The following SDK1 variants were observed in gnomAD, a reference collection of about 807,000 sequenced individuals.
The protein encoded by SDK1 is sidekick cell adhesion molecule 1.
Under a neutral mutation model 245.5 loss-of-function variants are expected in SDK1, and 157 were observed. The ratio of observed to expected loss-of-function variants is 0.64; its 90% CI spans 0.56 to 0.73. The LOEUF is 0.73. SDK1 is among the 30% of genes least tolerant of loss of function. The pLI, the probability that SDK1 is intolerant of heterozygous loss-of-function variation, is 0.00. For missense variants in SDK1, 3,583 were observed against 3,002.3 expected (o/e 1.19, Z -4.52); for synonymous variants, 1,647 against 1,278.5 (o/e 1.29, Z -6.15).
chr7:3,435,906 A>G (rs1265562312), intron 1 of SDK1, among the ~76,000 whole-genome samples: 1 of 152,236 alleles, frequency 6.6e-6, no homozygotes, highest in Non-Finnish European at 1.5e-5. Flanking sequence ...ATTGTGTTAA[A>G]GGAAGCAACA....
intron 1 of SDK1, among the ~76,000 whole-genome samples, chr7:3,395,992 T>G (rs1207237023): frequency 1.3e-5 from 2 of 151,952 alleles, no homozygotes; most frequent in African/African-American, 4.8e-5. Context: ...TCATTCTGTT[T>G]TCCCTTGATA....
intron 1 of SDK1, among the ~76,000 whole-genome samples, chr7:3,528,560 T>C (rs1783230793): frequency 6.6e-6 from 1 of 152,122 alleles, no homozygotes; most frequent in Non-Finnish European, 1.5e-5. Context: ...CTCTCCTTGC[T>C]GTCTGGAGAA....
At chr7:4,194,076 C>T (rs573464685) in intron 35 of SDK1, among the ~76,000 whole-genome samples, 6 of 152,034 alleles carry the variant, frequency 3.9e-5, no homozygotes, top group East Asian at 3.9e-4. Context: ...CAGCCAACTC[C>T]GGAAACCGCA....
chr7:3,725,554 C>G lies in SDK1; in HGVS notation c.713+83449C>G, dbSNP rs1036089374. On this transcript the variant is annotated intron_variant, in intron 4 of 44. Transcript: ENST00000404826. ...CAATACAGTTACTATTATTCCAGCACCTTTAGCTCACTCTTGCCACTCTTT... is the reference window on the plus strand; with the variant it reads ...CAATACAGTTACTATTATTCCAGCAGCTTTAGCTCACTCTTGCCACTCTTT... Among the ~76,000 whole-genome samples the G allele has an allele frequency of 2.0e-5, 3 of 152,284 alleles. No homozygotes were observed. The East Asian group carries it at 5.8e-4, about 29-fold the overall frequency.
At chr7:3,573,920 G>A (rs918689490) in intron 1 of SDK1, among the ~76,000 whole-genome samples, 12 of 151,954 alleles carry the variant, frequency 7.9e-5, no homozygotes, top group Non-Finnish European at 1.8e-4. Flanking sequence ...TCCTTTTTAT[G>A]ACAGGTTCAT....
intron 5 of SDK1, among the ~76,000 whole-genome samples, chr7:3,913,415 G>A (rs13437643): frequency 6.6e-6 from 1 of 150,558 alleles, no homozygotes; most frequent in South Asian, 2.1e-4. Context: ...TGCCTCAGCC[G>A]CTCGAGTAGC....
chr7:3,956,658 C>T (rs1781287728), intron 7 of SDK1, among the ~76,000 whole-genome samples: 1 of 152,216 alleles, frequency 6.6e-6, no homozygotes, highest in East Asian at 1.9e-4. Context: ...GCAGGCTGCC[C>T]CCCAGACCTT....
rs538690613 is a variant in SDK1 at position 4,119,102 on chromosome 7, TAA to T, written c.3823+4836_3823+4837del. Among the ~76,000 whole-genome samples the T allele has an allele frequency of 1.8e-3, 268 of 146,698 alleles. 18 individuals carry two copies. Among genetic ancestry groups the T allele is most frequent in the African/African-American group, 6.3e-3 (254 of 40,246 alleles). Reference sequence around the variant, plus strand: ...TATTAATAATCTCACAATAAGGCTTTAAAAAAAAAGCTCAGCCTTCCTGAGAT... The same window carrying T: ...TATTAATAATCTCACAATAAGGCTTTAAAAAAAGCTCAGCCTTCCTGAGAT... On this transcript the variant is annotated intron_variant, in intron 25 of 44. Coordinates refer to ENST00000404826, the MANE Select transcript of SDK1 (RefSeq NM_152744.4).
intron 1 of SDK1, among the ~76,000 whole-genome samples, chr7:3,571,940 C>T (rs1780129640): frequency 6.6e-6 from 1 of 152,050 alleles, no homozygotes; most frequent in South Asian, 2.1e-4. Context: ...CCATCCCATC[C>T]CTTCTCTTAC....
chr7:3,783,472 AC>A (rs1302775073), intron 4 of SDK1, among the ~76,000 whole-genome samples: 1 of 146,316 alleles, frequency 6.8e-6, no homozygotes, highest in Admixed American at 6.7e-5. Context: ...TACAGACCCC[AC>A]CAAAAAAAAA....
chr7:3,919,008 A>G (rs1779490853), intron 5 of SDK1, among the ~76,000 whole-genome samples: 1 of 152,242 alleles, frequency 6.6e-6, no homozygotes, highest in Non-Finnish European at 1.5e-5. Context: ...CCATTAACTC[A>G]TAACTATTAC....
At chr7:3,489,899 C>A (rs1048398161) in intron 1 of SDK1, among the ~76,000 whole-genome samples, 2 of 152,050 alleles carry the variant, frequency 1.3e-5, no homozygotes, top group African/African-American at 2.4e-5. Context: ...ACTAATGAGT[C>A]CTGTCATGGA....
intron 5 of SDK1, among the ~76,000 whole-genome samples, chr7:3,947,963 C>A (rs1298571769): frequency 6.6e-6 from 1 of 152,102 alleles, no homozygotes; most frequent in Non-Finnish European, 1.5e-5. Flanking sequence ...TTAAGCCTCT[C>A]TGTAATGTTC....
intron 4 of SDK1, among the ~76,000 whole-genome samples, chr7:3,786,442 T>C (rs1251536867): frequency 1.3e-5 from 2 of 152,212 alleles, no homozygotes; most frequent in Non-Finnish European, 2.9e-5. Flanking sequence ...AGTTTTGTGT[T>C]CAGGACCTTA....
chr7:4,141,118 G>A (rs922065361), intron 28 of SDK1, among the ~76,000 whole-genome samples: 2 of 152,204 alleles, frequency 1.3e-5, no homozygotes, highest in Non-Finnish European at 2.9e-5. Flanking sequence ...ACCCGAGGCA[G>A]TGTATCCTCC....
intron 40 of SDK1, chr7:4,233,023 G>C (rs991682681): frequency 4.2e-6 from 2 of 480,444 alleles, no homozygotes. Context: ...CAAGTGTCCA[G>C]TTCAGTAGCA....
chr7:3,436,191 A>G (rs878864614), intron 1 of SDK1, among the ~76,000 whole-genome samples: 1 of 152,180 alleles, frequency 6.6e-6, no homozygotes, highest in Admixed American at 6.5e-5. Context: ...GTAAGCTGAC[A>G]TTTGATGGAC....
chr7:4,052,173 C>G (rs1002592879), intron 19 of SDK1, among the ~76,000 whole-genome samples: 3 of 142,654 alleles, frequency 2.1e-5, no homozygotes, highest in East Asian at 2.0e-4. Flanking sequence ...CATGATCCCC[C>G]CCCCCCCGAC....
intron 4 of SDK1, among the ~76,000 whole-genome samples, chr7:3,768,039 T>G (rs1780304779): frequency 2.0e-5 from 3 of 152,182 alleles, no homozygotes; most frequent in African/African-American, 7.2e-5. Context: ...AGCAGGGCAT[T>G]AATCTTTCTA....
Sources: allele counts gnomAD v4.1 joint callset (sites outside exome capture counted in the v4.1 genomes callset), GRCh38; gene constraint gnomAD v4.1.1; transcripts MANE v1.5; gene names NCBI Gene and HGNC (gene_info 2026-07-23, HGNC 2026-07-21).